The following EPHA3 variants were observed in gnomAD, a reference collection of about 807,000 sequenced individuals.
EPHA3 encodes the protein ephrin type-A receptor 3.
In EPHA3, 42 loss-of-function variants were observed where a neutral mutation model predicts 107.1. That is an observed-to-expected ratio of 0.39 (90% CI 0.31 to 0.51). The LOEUF (loss-of-function observed/expected upper bound fraction) is 0.51. Ranked by LOEUF, EPHA3 falls within the 20% of genes least tolerant of loss-of-function variation. The pLI is 0.78. For missense variants in EPHA3, 1,183 were observed against 1,211.2 expected, an observed-to-expected ratio of 0.98 and a Z score of 0.35; for synonymous variants, 461 against 424.8, an observed-to-expected ratio of 1.09 and a Z score of -1.05.
chr3:89,363,853 T>C (rs1708141171), intron 5 of EPHA3, among the ~76,000 whole-genome samples: 1 of 150,900 alleles, frequency 6.6e-6, no homozygotes, highest in South Asian at 2.1e-4. Flanking sequence ...CATTCTTCCT[T>C]GAGAGTCTTT....
At chr3:89,234,260 A>G (rs1255769260) in intron 3 of EPHA3, among the ~76,000 whole-genome samples, 2 of 152,190 alleles carry the variant, frequency 1.3e-5, no homozygotes, top group African/African-American at 4.8e-5. Flanking sequence ...CAAAATCATA[A>G]TATCAACAGA....
intron 5 of EPHA3, among the ~76,000 whole-genome samples, chr3:89,391,403 T>C: frequency 7.0e-6 from 1 of 143,234 alleles, no homozygotes; most frequent in African/African-American, 2.8e-5. Flanking sequence ...TTTTCTTTTC[T>C]TTTCTTTTCT....
At chr3:89,358,658 GA>G (rs755145867) in intron 5 of EPHA3, among the ~76,000 whole-genome samples, 3 of 151,204 alleles carry the variant, frequency 2.0e-5, no homozygotes, top group Non-Finnish European at 3.0e-5. Context: ...GCCCCCCAGT[GA>G]AAGAGATTGG....
At chr3:89,327,701 C>T (rs566061123) in intron 3 of EPHA3, among the ~76,000 whole-genome samples, 2 of 152,068 alleles carry the variant, frequency 1.3e-5, no homozygotes, top group African/African-American at 2.4e-5. Flanking sequence ...TGAAGTGCAT[C>T]AATATACCCC....
At chr3:89,297,893 G>A (rs1038025525) in intron 3 of EPHA3, among the ~76,000 whole-genome samples, 4 of 152,054 alleles carry the variant, frequency 2.6e-5, no homozygotes, top group Non-Finnish European at 5.9e-5. Flanking sequence ...AAACTAGCTG[G>A]GCATGATGGT....
At chr3:89,184,443 T>C (rs1013801322) in intron 2 of EPHA3, among the ~76,000 whole-genome samples, 16 of 152,080 alleles carry the variant, frequency 1.1e-4, no homozygotes, top group Non-Finnish European at 2.1e-4. Flanking sequence ...TCTAATTACA[T>C]TCCGGTTGTT....
intron 5 of EPHA3, among the ~76,000 whole-genome samples, chr3:89,347,959 T>G (rs2107435322): frequency 6.6e-6 from 1 of 151,318 alleles, no homozygotes; most frequent in Non-Finnish European, 1.5e-5. Flanking sequence ...ATCCCAGGGA[T>G]GAAGCCCACT....
At chr3:89,344,579 T>C (rs1279826150) in intron 5 of EPHA3, among the ~76,000 whole-genome samples, 1 of 152,160 alleles carries the variant, frequency 6.6e-6, no homozygotes, top group African/African-American at 2.4e-5. Flanking sequence ...AGTGTTTCTT[T>C]GTTTTCCTTT....
chr3:89,368,766 T>C (rs557811673), intron 5 of EPHA3, among the ~76,000 whole-genome samples: 1 of 150,294 alleles, frequency 6.7e-6, no homozygotes, highest in East Asian at 2.0e-4. Flanking sequence ...TCAATCCATC[T>C]ATTAAAATGC....
rs1210690957 is a variant in EPHA3 at position 89,407,358 on chromosome 3, G to A, written c.1684G>A (p.Val562Ile). ...AIILLTVVIYVLIGRFCGYKS... is the reference protein window; with the variant it reads ...AIILLTVVIYILIGRFCGYKS... Reference sequence around the variant, plus strand: ...TATTCTCCTCACTGTTGTCATCTATGTTTTGATTGGGAGGTGAGTTCACAG... The same window carrying A: ...TATTCTCCTCACTGTTGTCATCTATATTTTGATTGGGAGGTGAGTTCACAG... Residue 562 changes from valine to isoleucine, a missense_variant, in exon 8 of 17, where the codon GTT becomes ATT. Transcript: ENST00000336596. The A allele has an allele frequency of 2.5e-6, 4 of 1,613,220 alleles. No homozygotes were observed. The highest frequency in any genetic ancestry group is 3.4e-6 in the Non-Finnish European group (4 of 1,179,384).
chr3:89,131,924 A>G (rs1704214976), intron 2 of EPHA3, among the ~76,000 whole-genome samples: 1 of 152,076 alleles, frequency 6.6e-6, no homozygotes, highest in Non-Finnish European at 1.5e-5. Context: ...TCAAGTTTTC[A>G]CCCTCCCAGG....
At chr3:89,346,013 A>G (rs998754957) in intron 5 of EPHA3, among the ~76,000 whole-genome samples, 2 of 143,654 alleles carry the variant, frequency 1.4e-5, no homozygotes, top group African/African-American at 5.2e-5. Flanking sequence ...AATCCAGTCT[A>G]TCATTGTTGG....
At chr3:89,345,470 T>A (rs1347735469) in intron 5 of EPHA3, among the ~76,000 whole-genome samples, 4 of 151,216 alleles carry the variant, frequency 2.6e-5, no homozygotes, top group African/African-American at 4.8e-5. Context: ...TCACCCAGAT[T>A]TCTCCTAGAT....
At chr3:89,136,329 G>GTTTTTTTTTT (rs1559747476) in intron 2 of EPHA3, among the ~76,000 whole-genome samples, 10 of 23,856 alleles carry the variant, frequency 4.2e-4, no homozygotes, top group African/African-American at 1.9e-3. Context: ...AATCTTACAG[G>GTTTTTTTTTT]CTTTTTTTTT....
At chr3:89,179,429 C>G (rs551745629) in intron 2 of EPHA3, among the ~76,000 whole-genome samples, 21 of 152,114 alleles carry the variant, frequency 1.4e-4, no homozygotes, top group African/African-American at 5.1e-4. Context: ...AGGATACTTA[C>G]TCCATCATCT....
chr3:89,162,788 A>G (rs1342451545), intron 2 of EPHA3, among the ~76,000 whole-genome samples: 1 of 152,148 alleles, frequency 6.6e-6, no homozygotes, highest in Admixed American at 6.5e-5. Flanking sequence ...AGGCCTTTTT[A>G]TTCCTGCAAA....
At chr3:89,455,097 A>G (rs991182579) in intron 15 of EPHA3, among the ~76,000 whole-genome samples, 5 of 152,254 alleles carry the variant, frequency 3.3e-5, no homozygotes, top group African/African-American at 1.2e-4. Flanking sequence ...CTATTTTTAT[A>G]TAATACAATG....
chr3:89,251,434 A>C (rs1327432871), intron 3 of EPHA3, among the ~76,000 whole-genome samples: 1 of 152,236 alleles, frequency 6.6e-6, no homozygotes, highest in East Asian at 1.9e-4. Flanking sequence ...TCATATATAA[A>C]TTGAAAATGA....
chr3:89,310,260 A>G (rs1706732300), intron 3 of EPHA3, among the ~76,000 whole-genome samples: 1 of 152,074 alleles, frequency 6.6e-6, no homozygotes, highest in African/African-American at 2.4e-5. Context: ...TACTAATTGT[A>G]AGGGATAGGA....
Sources: gnomAD v4.1 joint callset for allele counts (sites outside exome capture counted in the v4.1 genomes callset) on GRCh38, gnomAD v4.1.1 for gene constraint, MANE v1.5 for transcripts, NCBI Gene and HGNC (gene_info 2026-07-23, HGNC 2026-07-21) for gene names.